INTS7: variants seen among roughly 807,000 people sequenced by gnomAD.
INTS7 encodes the protein integrator complex subunit 7, also known as chromosome 1 open reading frame 73.
Under a neutral mutation model 109.2 loss-of-function variants are expected in INTS7, and 46 were observed. That is an observed-to-expected ratio of 0.42 (90% CI 0.33 to 0.54). INTS7 has a LOEUF of 0.54. Ranked by LOEUF, INTS7 falls within the 20% of genes least tolerant of loss-of-function variation. The probability of loss-of-function intolerance (pLI) is 0.07; values close to 1 mark genes in which losing one functional copy is unlikely to be tolerated. For synonymous variants in INTS7, 412 were observed against 402.9 expected, an observed-to-expected ratio of 1.02 and a Z score of -0.27; for missense variants, 929 against 1,132.4, an observed-to-expected ratio of 0.82 and a Z score of 2.58.
chr1:212,030,342 G>C (rs919207476), intron 1 of INTS7, among the ~76,000 whole-genome samples: 1 of 151,160 alleles, frequency 6.6e-6, no homozygotes, highest in Non-Finnish European at 1.5e-5. Context: ...AGGCTGGAGT[G>C]CAATGGCATG....
At chr1:212,017,070 A>C in intron 3 of INTS7, 47 bp from the exon 4 acceptor site, 1 of 1,494,752 alleles carries the variant, frequency 6.7e-7, no homozygotes, top group Non-Finnish European at 8.9e-7. Flanking sequence ...AAATAAAGTC[A>C]AGGTCAGAAA....
intron 5 of INTS7, among the ~76,000 whole-genome samples, chr1:212,008,575 G>C (rs192731018): frequency 9.6e-4 from 146 of 152,164 alleles, no homozygotes; most frequent in African/African-American, 3.3e-3. Flanking sequence ...GTGAAAGGCT[G>C]CCACCCATCC....
At chr1:211,992,559 T>C (rs947925575) in intron 7 of INTS7, among the ~76,000 whole-genome samples, 1 of 152,174 alleles carries the variant, frequency 6.6e-6, no homozygotes, top group Non-Finnish European at 1.5e-5. Flanking sequence ...GGGGCGCATC[T>C]GTAGTCCTAG....
At chr1:212,033,679 G>T (rs1189697474) in intron 1 of INTS7, among the ~76,000 whole-genome samples, 2 of 152,162 alleles carry the variant, frequency 1.3e-5, no homozygotes, top group African/African-American at 2.4e-5. Context: ...CACCAGAATG[G>T]TAGAAAATGT....
intron 1 of INTS7, among the ~76,000 whole-genome samples, chr1:212,027,919 C>A (rs1021923973): frequency 6.6e-6 from 1 of 152,130 alleles, no homozygotes; most frequent in African/African-American, 2.4e-5. Context: ...CTCCGCCCCC[C>A]GGGTTCAAGT....
At chr1:211,962,366 G>A (rs1663673253) in intron 16 of INTS7, among the ~76,000 whole-genome samples, 1 of 151,286 alleles carries the variant, frequency 6.6e-6, no homozygotes. Context: ...CAACACAGGA[G>A]CACCCAGATT....
intron 8 of INTS7, among the ~76,000 whole-genome samples, chr1:211,986,224 A>G (rs563570290): frequency 1.3e-5 from 2 of 152,232 alleles, no homozygotes; most frequent in South Asian, 2.1e-4. Flanking sequence ...TTCAATTTCT[A>G]GCATGTGAAT....
rs1338283219 is a variant in INTS7 at position 211,941,809 on chromosome 1, G to A, written c.*15C>T. The A allele has an allele frequency of 1.9e-6, 3 of 1,611,410 alleles. No individual in the cohort carries two copies. The highest frequency in any genetic ancestry group is 2.5e-6 in the Non-Finnish European group (3 of 1,178,468). On this transcript the variant is annotated 3_prime_UTR_variant, in exon 20 of 20. Transcript: ENST00000366994. ...GATTGATCTCTTGAGAGTCTGCAGT[G>A]CATTCATTCCATGGTTAAAACCGTG... is the stretch of plus-strand genomic sequence containing the variant.
intron 16 of INTS7, among the ~76,000 whole-genome samples, chr1:211,962,725 C>A (rs768211374): frequency 1.3e-5 from 2 of 152,136 alleles, no homozygotes; most frequent in Non-Finnish European, 2.9e-5. Context: ...CCAAGAAAAT[C>A]GCTCAAAACC....
chr1:211,970,165 T>A (rs1022337784), intron 13 of INTS7, among the ~76,000 whole-genome samples: 4 of 152,138 alleles, frequency 2.6e-5, no homozygotes, highest in Non-Finnish European at 2.9e-5. Context: ...AAGAAGAGGT[T>A]ATAACACACA....
intron 16 of INTS7, among the ~76,000 whole-genome samples, chr1:211,954,345 T>C (rs1163563861): frequency 2.0e-5 from 3 of 152,332 alleles, no homozygotes; most frequent in Middle Eastern, 3.4e-3. Flanking sequence ...ATTCTGTAGG[T>C]TGCCTGTTCA....
At chr1:211,950,131 C>T (rs1202310340) in intron 17 of INTS7, among the ~76,000 whole-genome samples, 1 of 152,196 alleles carries the variant, frequency 6.6e-6, no homozygotes, top group Non-Finnish European at 1.5e-5. Flanking sequence ...CTATGGACAA[C>T]TTGAGGGAAG....
intron 8 of INTS7, among the ~76,000 whole-genome samples, chr1:211,983,101 C>T (rs1438256187): frequency 6.6e-6 from 1 of 152,096 alleles, no homozygotes; most frequent in African/African-American, 2.4e-5. Context: ...AACAACTATC[C>T]TAAGAGTTCA....
intron 1 of INTS7, among the ~76,000 whole-genome samples, chr1:212,025,031 G>T (rs576927466): frequency 1.3e-5 from 2 of 152,302 alleles, no homozygotes; most frequent in Non-Finnish European, 2.9e-5. Context: ...CTCACATGTG[G>T]TTTCTGGACT....
chr1:211,975,559 T>C (rs1381265813), intron 12 of INTS7, among the ~76,000 whole-genome samples, 187 bp from the exon 13 acceptor site: 1 of 152,230 alleles, frequency 6.6e-6, no homozygotes, highest in African/African-American at 2.4e-5. Flanking sequence ...ATATGCTGAG[T>C]TGCTTTTATG....
At chr1:211,992,110 C>A (rs1254095260) in intron 7 of INTS7, among the ~76,000 whole-genome samples, 2 of 152,030 alleles carry the variant, frequency 1.3e-5, no homozygotes, top group African/African-American at 4.8e-5. Flanking sequence ...GCACTTAGGC[C>A]ATTTCCGTTG....
intron 19 of INTS7, among the ~76,000 whole-genome samples, chr1:211,943,561 ATAAGG>A (rs1662721916): frequency 6.6e-6 from 1 of 152,202 alleles, no homozygotes; most frequent in Non-Finnish European, 1.5e-5. Flanking sequence ...GAGTGGCTAC[ATAAGG>A]TACCATGCTG....
chr1:211,974,722 G>A lies in INTS7; in HGVS notation c.1815+444C>T, dbSNP rs556382826. Among the ~76,000 whole-genome samples, 4 of 152,250 alleles carry A rather than the reference G, an allele frequency of 2.6e-5. No homozygotes were observed. The East Asian group carries it at 7.7e-4, about 29-fold the overall frequency. ...CTAGCTAATGGTTAATGTGGAGTAG[G>A]AGGATACCACAGAGAGATACAAAGT... On this transcript the variant is annotated intron_variant, in intron 13 of 19. Coordinates refer to ENST00000366994, the MANE Select transcript of INTS7 (RefSeq NM_015434.4).
chr1:212,035,200 C>A (rs1465955483), intron 1 of INTS7, 144 bp downstream of exon 1: 4 of 651,354 alleles, frequency 6.1e-6, no homozygotes, highest in Non-Finnish European at 5.5e-6. Flanking sequence ...GGTCAAAGCC[C>A]ACGCCCCAGC....
Sources: gnomAD v4.1 joint callset for allele counts (sites outside exome capture counted in the v4.1 genomes callset) on GRCh38, gnomAD v4.1.1 for gene constraint, MANE v1.5 for transcripts, NCBI Gene and HGNC (gene_info 2026-07-23, HGNC 2026-07-21) for gene names.